The following FBXL17 variants were observed in gnomAD, a reference collection of about 807,000 sequenced individuals.
The protein encoded by FBXL17 is F-box and leucine rich repeat protein 17, also known as F-box/LRR-repeat protein 17.
In FBXL17, 22 loss-of-function variants were observed where a neutral mutation model predicts 66.2. The ratio of observed to expected loss-of-function variants is 0.33; its 90% CI spans 0.24 to 0.47. FBXL17 has a LOEUF of 0.47. FBXL17 is among the 20% of genes least tolerant of loss of function. The pLI, the probability that FBXL17 is intolerant of heterozygous loss-of-function variation, is 1.00. For synonymous variants in FBXL17, 474 were observed against 400.5 expected, an observed-to-expected ratio of 1.18 and a Z score of -2.19; for missense variants, 878 against 948.2, an observed-to-expected ratio of 0.93 and a Z score of 0.97.
At chr5:107,951,317 T>C (rs1367815521) in intron 7 of FBXL17, among the ~76,000 whole-genome samples, 3 of 152,266 alleles carry the variant, frequency 2.0e-5, no homozygotes, top group Non-Finnish European at 4.4e-5. Flanking sequence ...AAAGTACTTG[T>C]AATTTAGTAA....
chr5:108,357,733 A>T (rs76721711), intron 3 of FBXL17, among the ~76,000 whole-genome samples: 40 of 148,178 alleles, frequency 2.7e-4, no homozygotes, highest in Admixed American at 1.3e-3. Context: ...TTTTTTTTTT[A>T]AATTATACTT....
intron 4 of FBXL17, among the ~76,000 whole-genome samples, chr5:108,345,150 T>G (rs1236722686): frequency 6.6e-6 from 1 of 151,784 alleles, no homozygotes; most frequent in Non-Finnish European, 1.5e-5. Context: ...CTGACCAACA[T>G]GGTGAAACGC....
In FBXL17 at chr5:108,348,379, GGAT is replaced by G; in HGVS notation, c.1506+17_1506+19del. 1.9e-6 allele frequency: 3 copies of G among 1,601,574 alleles called. No homozygotes were observed. The highest frequency in any genetic ancestry group is 2.6e-6 in the Non-Finnish European group (3 of 1,170,520). On this transcript the variant is annotated intron_variant, in intron 4 of 8. Coordinates refer to ENST00000542267, the MANE Select transcript of FBXL17 (RefSeq NM_001163315.3). ...GTTAGGAACAAAATGAACAATACAAGGATGATAACAAGTACTTACTAATTTGTT... is the reference window on the plus strand; with the variant it reads ...GTTAGGAACAAAATGAACAATACAAGGATAACAAGTACTTACTAATTTGTT...
Position 108,381,160 on chromosome 5 carries a change from G to T in FBXL17, c.532C>A (p.Leu178Ile). 7.0e-7 allele frequency: 1 copy of T among 1,422,146 alleles called. No homozygotes were observed. Among genetic ancestry groups the T allele is most frequent in the South Asian group, 1.4e-5 (1 of 69,742 alleles). 88.1% of individuals were successfully genotyped at this position (1,422,146 alleles called of 1,614,324 possible). ...GGTGACGGTGTCGGCCCCCGGAAGA[G>T]CTGCACGGCGGCGGGCGGCCCCAGG... ...RFLGPPAAVQ[L>I]FRGPTPSPAE... is the part of the protein sequence containing the mutation. Residue 178 changes from leucine to isoleucine, a missense_variant, in exon 1 of 9, where the codon CTC (leucine) becomes ATC (isoleucine). Coordinates refer to ENST00000542267, the MANE Select transcript of FBXL17 (RefSeq NM_001163315.3).
At chr5:108,242,855 TTATGAAA>T (rs1367155547) in intron 4 of FBXL17, among the ~76,000 whole-genome samples, 1 of 152,122 alleles carries the variant, frequency 6.6e-6, no homozygotes, top group African/African-American at 2.4e-5. Context: ...CATGTGAAAC[TTATGAAA>T]AAGGAACTAA....
chr5:108,251,359 C>G (rs943038948), intron 4 of FBXL17, among the ~76,000 whole-genome samples: 9 of 151,746 alleles, frequency 5.9e-5, no homozygotes, highest in African/African-American at 2.2e-4. Flanking sequence ...ATGTTTATTC[C>G]AAGATGGTAT....
rs114193910 is a variant in FBXL17, at chr5:107,873,565, T to C, written c.1965+7472A>G. 3.0e-3 allele frequency among the ~76,000 whole-genome samples: 452 copies of C among 152,290 alleles called. 2 individuals are homozygous for C. Among genetic ancestry groups the C allele is most frequent in the African/African-American group, 0.01 (424 of 41,548 alleles). Reference sequence around the variant, plus strand: ...TGCTGCTGGATGGCCAGGCCTGGCATGTGGGCTGAGCCATTCCTTCTCCAC... The same window carrying C: ...TGCTGCTGGATGGCCAGGCCTGGCACGTGGGCTGAGCCATTCCTTCTCCAC... On this transcript the variant is annotated intron_variant, in intron 8 of 8. Transcript: ENST00000542267.
intron 8 of FBXL17, among the ~76,000 whole-genome samples, chr5:107,862,513 T>C (rs1321353576): frequency 1.3e-5 from 2 of 152,200 alleles, no homozygotes; most frequent in African/African-American, 4.8e-5. Flanking sequence ...ACCTTTACAA[T>C]TGCTGTGCTG....
At chr5:108,269,752 T>G (rs1027699542) in intron 4 of FBXL17, among the ~76,000 whole-genome samples, 1 of 152,022 alleles carries the variant, frequency 6.6e-6, no homozygotes, top group African/African-American at 2.4e-5. Flanking sequence ...TGTCTTGGAA[T>G]CCATAGTACC....
intron 4 of FBXL17, among the ~76,000 whole-genome samples, chr5:108,244,361 T>C (rs11958626): frequency 0.021 from 3,191 of 152,248 alleles, 117 homozygotes; most frequent in African/African-American, 0.073. Flanking sequence ...ATGAAATTAC[T>C]GGAATGTGTG....
At chr5:108,219,520 T>G (rs986884215) in intron 5 of FBXL17, among the ~76,000 whole-genome samples, 2 of 152,026 alleles carry the variant, frequency 1.3e-5, no homozygotes, top group Admixed American at 1.3e-4. Flanking sequence ...ACCCCGTCTC[T>G]ATTAAAAATA....
intron 6 of FBXL17, among the ~76,000 whole-genome samples, chr5:108,046,414 T>A (rs893090345): frequency 2.0e-5 from 3 of 152,218 alleles, no homozygotes; most frequent in Non-Finnish European, 4.4e-5. Context: ...TATCTTTTAA[T>A]TGGAATAGTT....
chr5:108,083,571 A>T (rs1580418917), intron 6 of FBXL17, among the ~76,000 whole-genome samples: 2 of 142,402 alleles, frequency 1.4e-5, no homozygotes, highest in East Asian at 2.1e-4. Context: ...TTTGTGGCTA[A>T]TTTTTTTTTT....
At chr5:108,363,000 C>T (rs10515388) in intron 3 of FBXL17, among the ~76,000 whole-genome samples, 18,437 of 151,952 alleles carry the variant, frequency 0.12, 1,359 homozygotes, top group Admixed American at 0.16. Flanking sequence ...GAAAAAATAA[C>T]AGTCCCAGGC....
intron 5 of FBXL17, among the ~76,000 whole-genome samples, chr5:108,221,149 AT>A (rs1580641141): frequency 6.6e-6 from 1 of 152,218 alleles, no homozygotes; most frequent in East Asian, 1.9e-4. Flanking sequence ...TAATAATGGC[AT>A]GTCATCAGTA....
At chr5:108,217,620 A>T (rs533348618) in intron 5 of FBXL17, among the ~76,000 whole-genome samples, 2 of 152,116 alleles carry the variant, frequency 1.3e-5, no homozygotes, top group Non-Finnish European at 2.9e-5. Flanking sequence ...CAAGTATACA[A>T]TATAGTTACT....
chr5:108,195,421 C>T (rs753205551), intron 5 of FBXL17, among the ~76,000 whole-genome samples: 2 of 152,046 alleles, frequency 1.3e-5, no homozygotes, highest in African/African-American at 4.8e-5. Context: ...TGTCCCAGCA[C>T]TTTGGAAGAT....
chr5:108,279,427 G>A (rs375956554), intron 4 of FBXL17, among the ~76,000 whole-genome samples: 2 of 151,896 alleles, frequency 1.3e-5, no homozygotes, highest in African/African-American at 4.8e-5. Context: ...AGGAAACCAC[G>A]GATACCAGTA....
intron 4 of FBXL17, among the ~76,000 whole-genome samples, chr5:108,320,076 C>T (rs907537346): frequency 3.3e-5 from 5 of 151,720 alleles, no homozygotes; most frequent in Non-Finnish European, 7.4e-5. Flanking sequence ...GCATTACAAA[C>T]TTCTCTCTCC....
Sources: gnomAD v4.1 joint callset for allele counts (sites outside exome capture counted in the v4.1 genomes callset) on GRCh38, gnomAD v4.1.1 for gene constraint, MANE v1.5 for transcripts, NCBI Gene and HGNC (gene_info 2026-07-23, HGNC 2026-07-21) for gene names.